NRXN1: variants seen among roughly 807,000 people sequenced by gnomAD.
NRXN1 encodes the protein neurexin-1.
A neutral mutation model predicts 150.9 loss-of-function variants in NRXN1; 39 were observed. That is an observed-to-expected ratio of 0.26 (90% CI 0.20 to 0.34). NRXN1 has a LOEUF of 0.34. Ranked by LOEUF, NRXN1 falls within the 10% of genes least tolerant of loss-of-function variation. The probability of loss-of-function intolerance (pLI) is 1.00; values close to 1 mark genes in which losing one functional copy is unlikely to be tolerated. For synonymous variants in NRXN1, 924 were observed against 757.0 expected, an observed-to-expected ratio of 1.22 and a Z score of -3.62; for missense variants, 1,815 against 1,949.9, an observed-to-expected ratio of 0.93 and a Z score of 1.30.
chr2:50,946,428 C>A (rs1690405097), intron 2 of NRXN1, among the ~76,000 whole-genome samples: 1 of 152,098 alleles, frequency 6.6e-6, no homozygotes, highest in Admixed American at 6.6e-5. Flanking sequence ...TATTGAGATT[C>A]TTTATCTTGT....
Position 50,795,661 on chromosome 2 carries a change from T to C in NRXN1, c.832+126208A>G, listed in dbSNP as rs545983121. Among the ~76,000 whole-genome samples, 155 of 152,168 alleles carry C rather than the reference T, an allele frequency of 1.0e-3. 1 individual carries two copies. The highest frequency in any genetic ancestry group is 3.6e-3 in the African/African-American group (149 of 41,506). On this transcript the variant is annotated intron_variant, in intron 5 of 22. Transcript: ENST00000401669. ...AAATCTCACTTTGGCTGTGAAATCA[T>C]CTCTGATTTACCCCAGTTGATACAC... is the stretch of plus-strand genomic sequence containing the variant.
intron 17 of NRXN1, among the ~76,000 whole-genome samples, chr2:50,239,984 T>C (rs1421706511): frequency 6.6e-6 from 1 of 151,392 alleles, no homozygotes; most frequent in Non-Finnish European, 1.5e-5. Context: ...TATGGAACTA[T>C]GAAAGTTTCT....
chr2:50,794,208 G>A (rs948654841), intron 5 of NRXN1, among the ~76,000 whole-genome samples: 1 of 152,054 alleles, frequency 6.6e-6, no homozygotes, highest in Admixed American at 6.6e-5. Flanking sequence ...AAACAGGCTT[G>A]ACTAGCAAAT....
intron 16 of NRXN1, among the ~76,000 whole-genome samples, chr2:50,465,928 G>A (rs915913652): frequency 2.4e-4 from 36 of 151,720 alleles, no homozygotes; most frequent in Admixed American, 2.4e-3. Flanking sequence ...AATGAATAGA[G>A]ACATAATGAG....
intron 5 of NRXN1, among the ~76,000 whole-genome samples, chr2:50,803,319 T>G (rs1479184827): frequency 6.6e-6 from 1 of 152,170 alleles, no homozygotes; most frequent in Non-Finnish European, 1.5e-5. Flanking sequence ...ATATATTTAT[T>G]TTTCTTTTCT....
intron 18 of NRXN1, among the ~76,000 whole-genome samples, chr2:50,149,232 A>G (rs1179027631): frequency 2.6e-5 from 4 of 151,710 alleles, no homozygotes; most frequent in Non-Finnish European, 4.4e-5. Context: ...TTTTATATCC[A>G]TTTGCGCTGC....
intron 5 of NRXN1, among the ~76,000 whole-genome samples, chr2:50,737,412 C>A (rs1270613221): frequency 6.6e-6 from 1 of 152,072 alleles, no homozygotes; most frequent in Non-Finnish European, 1.5e-5. Context: ...TCCAGATACT[C>A]TATGGGACAG....
intron 5 of NRXN1, among the ~76,000 whole-genome samples, chr2:50,661,431 G>A (rs917393344): frequency 6.6e-6 from 1 of 152,024 alleles, no homozygotes; most frequent in Non-Finnish European, 1.5e-5. Flanking sequence ...TACTTTTTCA[G>A]AAGCCAGTTT....
chr2:50,352,145 T>C (rs1347974601), intron 17 of NRXN1, among the ~76,000 whole-genome samples: 1 of 152,010 alleles, frequency 6.6e-6, no homozygotes, highest in Non-Finnish European at 1.5e-5. Context: ...TGAACAAGAA[T>C]ACAGGGAGCC....
chr2:50,744,784 C>T (rs1441137496), intron 5 of NRXN1, among the ~76,000 whole-genome samples: 2 of 152,074 alleles, frequency 1.3e-5, no homozygotes, highest in African/African-American at 4.8e-5. Context: ...GTAAAAAATG[C>T]TGTTCTTTTC....
chr2:50,943,432 T>C (rs958503399), intron 2 of NRXN1, among the ~76,000 whole-genome samples: 3 of 152,218 alleles, frequency 2.0e-5, no homozygotes, highest in Non-Finnish European at 2.9e-5. Flanking sequence ...GTTAAGCTGC[T>C]AATAAGTGTC....
chr2:50,222,282 AG>A (rs1451376344), intron 18 of NRXN1, among the ~76,000 whole-genome samples: 3 of 152,012 alleles, frequency 2.0e-5, no homozygotes, highest in Admixed American at 1.3e-4. Context: ...CTGAAGTTAA[AG>A]GGGGGTTGGT....
At chr2:50,574,192 T>C (rs1046207690) in intron 8 of NRXN1, among the ~76,000 whole-genome samples, 3 of 152,104 alleles carry the variant, frequency 2.0e-5, no homozygotes, top group Non-Finnish European at 4.4e-5. Flanking sequence ...TTAGACACCC[T>C]ATGCATATAA....
At chr2:49,966,773 G>A (rs917415385) in intron 21 of NRXN1, 4 of 152,132 alleles carry the variant, frequency 2.6e-5, no homozygotes, top group Non-Finnish European at 5.9e-5. Flanking sequence ...TGAACTGATA[G>A]CAGTTGTAAG....
chr2:50,372,258 T>C (rs2080082588), intron 17 of NRXN1, among the ~76,000 whole-genome samples: 1 of 152,116 alleles, frequency 6.6e-6, no homozygotes, highest in Non-Finnish European at 1.5e-5. Flanking sequence ...GTGATCTGAC[T>C]TGTTGATGAC....
intron 5 of NRXN1, among the ~76,000 whole-genome samples, chr2:50,750,026 A>G: frequency 6.6e-6 from 1 of 152,096 alleles, no homozygotes; most frequent in East Asian, 1.9e-4. Flanking sequence ...CACAGTTAGC[A>G]TGGATTCTCA....
chr2:50,834,995 T>G (rs995731659), intron 5 of NRXN1, among the ~76,000 whole-genome samples: 1 of 152,210 alleles, frequency 6.6e-6, no homozygotes, highest in African/African-American at 2.4e-5. Context: ...ATTTGTCTTC[T>G]TTCATATCAG....
chr2:50,139,324 C>CAAAAAAAA (rs35142652), intron 18 of NRXN1, among the ~76,000 whole-genome samples: 1 of 77,400 alleles, frequency 1.3e-5, no homozygotes, highest in African/African-American at 4.6e-5. Context: ...GACTTGGTAT[C>CAAAAAAAA]AAAAAAAAAA....
intron 18 of NRXN1, among the ~76,000 whole-genome samples, chr2:50,123,813 C>G (rs544729559): frequency 8.5e-5 from 13 of 152,138 alleles, no homozygotes; most frequent in Admixed American, 2.6e-4. Context: ...AGGCAACAGG[C>G]AGTATGAATT....
Sources: gnomAD v4.1 joint callset for allele counts (sites outside exome capture counted in the v4.1 genomes callset) on GRCh38, gnomAD v4.1.1 for gene constraint, MANE v1.5 for transcripts, NCBI Gene and HGNC (gene_info 2026-07-23, HGNC 2026-07-21) for gene names.